CNTN4: variants seen among roughly 807,000 people sequenced by gnomAD.
CNTN4 encodes contactin 4.
Under a neutral mutation model 122.5 loss-of-function variants are expected in CNTN4, and 77 were observed. The observed-to-expected ratio is 0.63, with a 90% CI of 0.52 to 0.76. The LOEUF is 0.76. Ranked by LOEUF, CNTN4 falls within the 30% of genes least tolerant of loss-of-function variation. The pLI is 0.00. For synonymous variants in CNTN4, 512 were observed against 447.0 expected, an observed-to-expected ratio of 1.15 and a Z score of -1.83; for missense variants, 1,256 against 1,259.1, an observed-to-expected ratio of 1.00 and a Z score of 0.04.
chr3:2,386,421 T>G (rs2046259984), intron 3 of CNTN4, among the ~76,000 whole-genome samples: 1 of 152,202 alleles, frequency 6.6e-6, no homozygotes, highest in African/African-American at 2.4e-5. Context: ...TTTCCCCATC[T>G]GGGGCCAGTT....
chr3:2,940,239 G>A (rs2094601501), intron 13 of CNTN4, among the ~76,000 whole-genome samples: 1 of 152,212 alleles, frequency 6.6e-6, no homozygotes, highest in African/African-American at 2.4e-5. Flanking sequence ...AAGCTAAACG[G>A]AGAACCACGA....
chr3:2,945,997 G>C (rs1287683403), intron 13 of CNTN4, among the ~76,000 whole-genome samples: 1 of 152,194 alleles, frequency 6.6e-6, no homozygotes, highest in African/African-American at 2.4e-5. Flanking sequence ...AGGGTCCAGA[G>C]AGTCTCATCT....
At chr3:2,186,320 C>T (rs2037262986) in intron 2 of CNTN4, among the ~76,000 whole-genome samples, 2 of 152,128 alleles carry the variant, frequency 1.3e-5, no homozygotes, top group South Asian at 2.1e-4. Flanking sequence ...TTTCTTAATC[C>T]AGTCTATCAT....
intron 13 of CNTN4, among the ~76,000 whole-genome samples, chr3:2,984,145 G>A (rs774005085): frequency 3.3e-5 from 5 of 152,148 alleles, no homozygotes; most frequent in Non-Finnish European, 7.3e-5. Context: ...GAGGACAAGG[G>A]GCAAAGAGAG....
intron 4 of CNTN4, among the ~76,000 whole-genome samples, chr3:2,650,609 G>C (rs2083317956): frequency 6.6e-6 from 1 of 152,136 alleles, no homozygotes; most frequent in South Asian, 2.1e-4. Context: ...TTAAGAAATG[G>C]CCACAGCCAC....
At chr3:2,723,084 A>G (rs980929129) in intron 4 of CNTN4, among the ~76,000 whole-genome samples, 2 of 152,192 alleles carry the variant, frequency 1.3e-5, no homozygotes, top group Non-Finnish European at 2.9e-5. Context: ...GGATGATTCC[A>G]TCATTCTTTC....
intron 13 of CNTN4, among the ~76,000 whole-genome samples, chr3:2,978,778 A>T (rs1368898998): frequency 1.3e-5 from 2 of 152,038 alleles, no homozygotes. Flanking sequence ...TGGGGTCAGC[A>T]GTCTTCCTTT....
At chr3:2,314,752 GAA>G (rs1277177828) in intron 2 of CNTN4, among the ~76,000 whole-genome samples, 1 of 151,682 alleles carries the variant, frequency 6.6e-6, no homozygotes, top group South Asian at 2.1e-4. Context: ...AACAAAATGA[GAA>G]AAAATTTGCA....
intron 2 of CNTN4, among the ~76,000 whole-genome samples, chr3:2,332,411 C>A (rs901792853): frequency 6.6e-6 from 1 of 152,048 alleles, no homozygotes; most frequent in African/African-American, 2.4e-5. Flanking sequence ...TCAACTTAGT[C>A]TTTTCTTTAA....
intron 2 of CNTN4, among the ~76,000 whole-genome samples, chr3:2,141,073 G>T (rs2034971725): frequency 6.6e-6 from 1 of 152,130 alleles, no homozygotes; most frequent in African/African-American, 2.4e-5. Flanking sequence ...GTTGCTGGGG[G>T]AGCTGGAGAA....
chr3:2,217,391 T>C (rs2038889656), intron 2 of CNTN4, among the ~76,000 whole-genome samples: 1 of 152,216 alleles, frequency 6.6e-6, no homozygotes, highest in Non-Finnish European at 1.5e-5. Context: ...GATTCTGCCA[T>C]TGATGCCATT....
chr3:2,728,828 A>C (rs2088430417), intron 4 of CNTN4, among the ~76,000 whole-genome samples: 1 of 152,226 alleles, frequency 6.6e-6, no homozygotes, highest in Non-Finnish European at 1.5e-5. Flanking sequence ...TTCCCAAGTG[A>C]AAATTGTTGC....
chr3:2,843,969 G>A (rs562762447), intron 7 of CNTN4, among the ~76,000 whole-genome samples: 1 of 152,110 alleles, frequency 6.6e-6, no homozygotes, highest in South Asian at 2.1e-4. Flanking sequence ...TCTCACCTTG[G>A]CCAGAAGCCC....
At chr3:2,757,656 C>T (rs1029238646) in intron 6 of CNTN4, among the ~76,000 whole-genome samples, 1 of 152,170 alleles carries the variant, frequency 6.6e-6, no homozygotes, top group South Asian at 2.1e-4. Context: ...AGGCATTTGC[C>T]TTCTAGCTGT....
chr3:2,274,275 C>T (rs899816219), intron 2 of CNTN4, among the ~76,000 whole-genome samples: 3 of 151,960 alleles, frequency 2.0e-5, no homozygotes, highest in Non-Finnish European at 4.4e-5. Flanking sequence ...CTCAGCTACT[C>T]GGGAGACTGA....
chr3:3,055,225 G>GT (rs1247811597), intron 24 of CNTN4, among the ~76,000 whole-genome samples: 1 of 151,574 alleles, frequency 6.6e-6, no homozygotes, highest in East Asian at 1.9e-4. Flanking sequence ...AGATGTGGAA[G>GT]TAAAATCTCC....
chr3:2,967,703 A>G (rs1170702115), intron 13 of CNTN4, among the ~76,000 whole-genome samples: 1 of 152,172 alleles, frequency 6.6e-6, no homozygotes, highest in East Asian at 1.9e-4. Flanking sequence ...CAGAGGAAAA[A>G]ACTATACAAC....
intron 6 of CNTN4, among the ~76,000 whole-genome samples, chr3:2,780,016 T>C (rs2091504370): frequency 6.6e-6 from 1 of 152,208 alleles, no homozygotes; most frequent in Admixed American, 6.5e-5. Flanking sequence ...TACTCACTGA[T>C]AAAAGGATAA....
intron 4 of CNTN4, among the ~76,000 whole-genome samples, chr3:2,731,856 T>A (rs2088710805): frequency 6.6e-6 from 1 of 152,238 alleles, no homozygotes; most frequent in African/African-American, 2.4e-5. Context: ...TATAGGTCAG[T>A]GGACTATTGT....
Sources: allele counts gnomAD v4.1 joint callset (sites outside exome capture counted in the v4.1 genomes callset), GRCh38; gene constraint gnomAD v4.1.1; transcripts MANE v1.5; gene names NCBI Gene and HGNC (gene_info 2026-07-23, HGNC 2026-07-21).